MCTP1: variants seen among roughly 807,000 people sequenced by gnomAD.
MCTP1 encodes the protein multiple C2 and transmembrane domain containing 1.
A neutral mutation model predicts 120.6 loss-of-function variants in MCTP1; 69 were observed. That is an observed-to-expected ratio of 0.57 (90% CI 0.47 to 0.70). MCTP1 has a LOEUF of 0.70. MCTP1 is among the 30% of genes least tolerant of loss of function. The pLI, the probability that MCTP1 is intolerant of heterozygous loss-of-function variation, is 0.00. For missense variants in MCTP1, 1,203 were observed against 1,248.8 expected (o/e 0.96, Z 0.55); for synonymous variants, 529 against 493.1 (o/e 1.07, Z -0.96).
chr5:95,010,599 T>C (rs995761123), intron 2 of MCTP1, among the ~76,000 whole-genome samples: 5 of 152,210 alleles, frequency 3.3e-5, no homozygotes, highest in African/African-American at 9.6e-5. Flanking sequence ...CTTTACCCAA[T>C]AAAAATTTCG....
chr5:95,067,112 A>G (rs1750858289), intron 1 of MCTP1, among the ~76,000 whole-genome samples: 2 of 120,408 alleles, frequency 1.7e-5, no homozygotes, highest in African/African-American at 6.5e-5. Context: ...AGAGGAGAAT[A>G]GTGGTTACCA....
At chr5:95,029,481 G>A (rs1839897048) in intron 1 of MCTP1, among the ~76,000 whole-genome samples, 1 of 152,168 alleles carries the variant, frequency 6.6e-6, no homozygotes, top group South Asian at 2.1e-4. Flanking sequence ...GAATAGACAA[G>A]TTCTAAATGG....
chr5:95,179,651 C>A (rs1748390605), intron 1 of MCTP1, among the ~76,000 whole-genome samples: 1 of 152,196 alleles, frequency 6.6e-6, no homozygotes, highest in African/African-American at 2.4e-5. Flanking sequence ...CACTACCAAT[C>A]TGGCACTACA....
Position 94,727,524 on chromosome 5 carries a change from A to T in MCTP1, c.2611-12638T>A, listed in dbSNP as rs141642187. On this transcript the variant is annotated intron_variant, in intron 19 of 22. Coordinates refer to ENST00000515393, the MANE Select transcript of MCTP1 (RefSeq NM_024717.7). The stretch of plus-strand genomic sequence containing the variant: ...AGTTTCTGGAAATAATCGCCATTTA[A>T]ATACTGGATAATATTTTTACATGAA... Among the ~76,000 whole-genome samples, 11 of 152,290 alleles carry T rather than the reference A, an allele frequency of 7.2e-5. No homozygotes were observed. In the East Asian group the frequency reaches 2.1e-3, roughly 29 times the overall value.
intron 4 of MCTP1, among the ~76,000 whole-genome samples, chr5:94,940,527 AGT>A (rs1243056257): frequency 6.9e-5 from 10 of 144,558 alleles, no homozygotes; most frequent in African/African-American, 1.0e-4. Context: ...CATATACACA[AGT>A]GTGTGTGTGT....
rs1203276326 is a variant in MCTP1 at position 95,040,254 on chromosome 5, G to A, written c.721-22770C>T. The stretch of plus-strand genomic sequence containing the variant: ...AGTTTGAGACAAGCCTGGCCAACAT[G>A]GTGAAACCCTGTCTCTACTAAATAT... On this transcript the variant is annotated intron_variant, in intron 1 of 22. Transcript: ENST00000515393. 2.0e-5 allele frequency among the ~76,000 whole-genome samples: 3 copies of A among 151,988 alleles called. No individual in the cohort carries two copies. The East Asian group carries it at 5.8e-4, about 29-fold the overall frequency.
At chr5:94,866,415 C>G (rs777449482) in intron 17 of MCTP1, among the ~76,000 whole-genome samples, 5 of 151,752 alleles carry the variant, frequency 3.3e-5, no homozygotes, top group Admixed American at 1.3e-4. Flanking sequence ...TTTTTTCCAG[C>G]GAAACACAGG....
At position 94,953,239 on chromosome 5, in the gene MCTP1, T is replaced by G. The variant is rs756421810; in HGVS notation, c.961A>C (p.Arg321=). Residue 321 remains arginine, a synonymous_variant, in exon 3 of 23, where the codon AGG becomes CGG. Coordinates refer to ENST00000515393, the MANE Select transcript of MCTP1 (RefSeq NM_024717.7). ...EKACILVDHL[R]EPLYIKVFDY... ...CTCACCTTTATATACAATGGCTCCC[T>G]AAGATGATCAACCAGAATACAAGCT... The G allele has an allele frequency of 1.8e-5, 29 of 1,612,354 alleles. No individual in the cohort carries two copies. Among genetic ancestry groups the G allele is most frequent in the Non-Finnish European group, 2.0e-5 (24 of 1,179,268 alleles).
At chr5:95,273,626 C>A (rs144916901) in intron 1 of MCTP1, among the ~76,000 whole-genome samples, 10 of 152,310 alleles carry the variant, frequency 6.6e-5, no homozygotes, top group African/African-American at 1.9e-4. Flanking sequence ...CAGTGCCTGA[C>A]ACTGCACAAA....
intron 4 of MCTP1, among the ~76,000 whole-genome samples, chr5:94,941,911 A>G (rs953548494): frequency 1.3e-5 from 2 of 152,032 alleles, no homozygotes; most frequent in Admixed American, 6.6e-5. Flanking sequence ...AGATTCTACC[A>G]TGGCTCGAGT....
chr5:95,117,199 G>A (rs867862804), intron 1 of MCTP1, among the ~76,000 whole-genome samples: 4 of 151,860 alleles, frequency 2.6e-5, no homozygotes, highest in Non-Finnish European at 5.9e-5. Context: ...GACCATCCTC[G>A]CTAACACGGT....
chr5:94,835,276 T>C (rs1789481004), intron 17 of MCTP1, among the ~76,000 whole-genome samples: 1 of 152,242 alleles, frequency 6.6e-6, no homozygotes, highest in South Asian at 2.1e-4. Context: ...AAGCATCTTC[T>C]AAGAGTAGCT....
At chr5:95,012,366 T>G (rs1836177169) in intron 2 of MCTP1, among the ~76,000 whole-genome samples, 1 of 152,132 alleles carries the variant, frequency 6.6e-6, no homozygotes, top group Admixed American at 6.6e-5. Flanking sequence ...AATCATGGCC[T>G]GGAGTACATA....
At chr5:95,100,904 G>A (rs766323370) in intron 1 of MCTP1, among the ~76,000 whole-genome samples, 54 of 152,230 alleles carry the variant, frequency 3.5e-4, no homozygotes, top group Admixed American at 9.8e-4. Flanking sequence ...AGTTCACATA[G>A]AGAAAATATT....
At chr5:94,763,360 G>C (rs956795008) in intron 19 of MCTP1, among the ~76,000 whole-genome samples, 1 of 152,098 alleles carries the variant, frequency 6.6e-6, no homozygotes, top group African/African-American at 2.4e-5. Context: ...TAGATTTCTA[G>C]TGTCATTTCC....
chr5:94,808,646 G>A (rs535348446), intron 17 of MCTP1, among the ~76,000 whole-genome samples: 1 of 152,036 alleles, frequency 6.6e-6, no homozygotes, highest in Non-Finnish European at 1.5e-5. Context: ...TGTTTCTTAT[G>A]TGTAGAGGAA....
chr5:95,146,979 G>C (rs1760447531), intron 1 of MCTP1, among the ~76,000 whole-genome samples: 1 of 152,158 alleles, frequency 6.6e-6, no homozygotes, highest in Non-Finnish European at 1.5e-5. Context: ...GGGTGTTCAA[G>C]TCCCCCACTA....
intron 2 of MCTP1, among the ~76,000 whole-genome samples, chr5:94,981,404 G>C (rs1055492042): frequency 6.6e-6 from 1 of 152,168 alleles, no homozygotes; most frequent in African/African-American, 2.4e-5. Flanking sequence ...AGCTCTCAGA[G>C]TGAATAAATT....
At position 95,054,919 on chromosome 5, in the gene MCTP1, T is replaced by C. The variant is rs143200202; in HGVS notation, c.721-37435A>G. On this transcript the variant is annotated intron_variant, in intron 1 of 22. Coordinates refer to ENST00000515393, the MANE Select transcript of MCTP1 (RefSeq NM_024717.7). The stretch of plus-strand genomic sequence containing the variant: ...GCCTCCCAAGATCAAGCGATTCTCC[T>C]GCCTCAGCCTCCCGAGTAGCTGGGA... Among the ~76,000 whole-genome samples the C allele has an allele frequency of 4.9e-3, 753 of 152,260 alleles. 3 individuals carry two copies. The highest frequency in any genetic ancestry group is 0.017 in the African/African-American group (710 of 41,540).
Sources: gnomAD v4.1 joint callset for allele counts (sites outside exome capture counted in the v4.1 genomes callset) on GRCh38, gnomAD v4.1.1 for gene constraint, MANE v1.5 for transcripts, NCBI Gene and HGNC (gene_info 2026-07-23, HGNC 2026-07-21) for gene names.